Variants in EXD1 observed in about 807,000 individuals in gnomAD.
EXD1 encodes the protein exonuclease 3'-5' domain containing 1.
A neutral mutation model predicts 49.1 loss-of-function variants in EXD1; 63 were observed. That is an observed-to-expected ratio of 1.28 (90% CI 1.05 to 1.58). The LOEUF (loss-of-function observed/expected upper bound fraction) is 1.58. EXD1 is among the 40% of genes most tolerant of loss of function. EXD1 has a pLI of 0.00. For missense variants in EXD1, 748 were observed against 666.0 expected (o/e 1.12, Z -1.36); for synonymous variants, 234 against 239.2 (o/e 0.98, Z 0.20).
intron 6 of EXD1, among the ~76,000 whole-genome samples, chr15:41,212,179 G>T (rs1274170213): frequency 6.6e-6 from 1 of 152,190 alleles, no homozygotes; most frequent in Non-Finnish European, 1.5e-5. Context: ...GCTGGGCACA[G>T]TGGCTCACGC....
chr15:41,204,876 T>C (rs2046798720), intron 7 of EXD1, among the ~76,000 whole-genome samples: 1 of 152,156 alleles, frequency 6.6e-6, no homozygotes, highest in South Asian at 2.1e-4. Context: ...CAGTAGGTCA[T>C]AGATCCCCAT....
At chr15:41,204,362 C>G (rs1029946266) in intron 7 of EXD1, among the ~76,000 whole-genome samples, 1 of 151,302 alleles carries the variant, frequency 6.6e-6, no homozygotes, top group African/African-American at 2.4e-5. Context: ...ACCAGCCTGG[C>G]CAACATGGTG....
At chr15:41,216,064 G>A (rs1377631124) in intron 5 of EXD1, among the ~76,000 whole-genome samples, 1 of 151,962 alleles carries the variant, frequency 6.6e-6, no homozygotes, top group African/African-American at 2.4e-5. Flanking sequence ...TCTGTTTGCT[G>A]CTCAGTAAGG....
intron 9 of EXD1, among the ~76,000 whole-genome samples, chr15:41,193,386 C>T (rs1403228804): frequency 1.3e-5 from 2 of 152,090 alleles, no homozygotes; most frequent in Non-Finnish European, 2.9e-5. Flanking sequence ...CCAGCAGGAT[C>T]TCCTGAGCTC....
rs1321435730 is a variant in EXD1 at position 41,195,790 on chromosome 15, A to T, written c.705T>A (p.Asn235Lys). The T allele has an allele frequency of 6.2e-7, 1 of 1,613,350 alleles. No homozygotes were observed. The highest frequency in any genetic ancestry group is 8.5e-7 in the Non-Finnish European group (1 of 1,179,806). ...CTTCATGTACCTGTGTGTCAAAGAC[A>T]TTATTCAGCAAAATTCCATACTGAT... is the stretch of plus-strand genomic sequence containing the variant. ...LSHQYGILLN[N>K]VFDTQVADVL... Residue 235 changes from asparagine to lysine, a missense_variant, in exon 9 of 12, where the codon AAT becomes AAA. Transcript: ENST00000458580.
chr15:41,184,118 A>G lies in EXD1; in HGVS notation c.1532T>C (p.Val511Ala). Reference protein sequence around the residue: ...LKEETEQLLMVENKEDLKCTK... With the variant: ...LKEETEQLLMAENKEDLKCTK... ...GCATTTTAAATCTTCCTTGTTTTCC[A>G]CCATCAATAACTGTTCTGTCTCCTC... is the stretch of plus-strand genomic sequence containing the variant. Residue 511 changes from valine (V) to alanine (A), a missense_variant, in exon 12 of 12, where the codon GTG becomes GCG. Val to Ala is a moderately conservative substitution (Grantham distance 64). Coordinates refer to ENST00000458580, the MANE Select transcript of EXD1 (RefSeq NM_001286441.2). 3 of 1,614,116 alleles carry G rather than the reference A, an allele frequency of 1.9e-6. No homozygotes were observed. Among genetic ancestry groups the G allele is most frequent in the Non-Finnish European group, 2.5e-6 (3 of 1,179,946 alleles).
chr15:41,185,480 G>C (rs1354187175), intron 11 of EXD1, among the ~76,000 whole-genome samples: 1 of 151,946 alleles, frequency 6.6e-6, no homozygotes, highest in Non-Finnish European at 1.5e-5. Context: ...TGGGTAGCTG[G>C]AAGCACAGGT....
chr15:41,209,541 C>T lies in EXD1; in HGVS notation c.494G>A (p.Gly165Glu). The stretch of plus-strand genomic sequence containing the variant: ...TTTGCCATGGCGACATACATTCGCT[C>T]CTTCTGCTGCCACACTCAGGACATT... Reference protein sequence around the residue: ...KQNVLSVAAEGANVCRHGKLC... With the variant: ...KQNVLSVAAEEANVCRHGKLC... Residue 165 changes from glycine to glutamate, a missense_variant, in exon 7 of 12, where the codon GGA (glycine) becomes GAA (glutamate). By Grantham distance (98) the Gly-to-Glu change is moderately conservative. Coordinates refer to ENST00000458580, the MANE Select transcript of EXD1 (RefSeq NM_001286441.2). The T allele has an allele frequency of 6.2e-7, 1 of 1,614,192 alleles. No homozygotes were observed. The highest frequency in any genetic ancestry group is 1.1e-5 in the South Asian group (1 of 91,080).
chr15:41,208,547 G>T (rs1380266290), intron 7 of EXD1, among the ~76,000 whole-genome samples: 3 of 151,884 alleles, frequency 2.0e-5, no homozygotes, highest in Non-Finnish European at 4.4e-5. Context: ...GAGATCAGGA[G>T]TTTGTGACCA....
At chr15:41,190,293 T>A (rs1362610473) in intron 10 of EXD1, 165 bp from the exon 11 acceptor site, 1 of 646,404 alleles carries the variant, frequency 1.5e-6, no homozygotes, top group East Asian at 3.0e-5. Flanking sequence ...GCCAACAAGG[T>A]GAAACCCCAT....
chr15:41,203,944 A>AAAC (rs2046776904), intron 7 of EXD1, among the ~76,000 whole-genome samples: 3 of 139,846 alleles, frequency 2.1e-5, no homozygotes, highest in African/African-American at 8.1e-5. Flanking sequence ...AAAAAAAAAA[A>AAAC]CCCTAAAAAT....
chr15:41,186,470 CAAAA>C (rs58793050), intron 11 of EXD1, among the ~76,000 whole-genome samples: 12 of 68,286 alleles, frequency 1.8e-4, no homozygotes, highest in Non-Finnish European at 3.3e-4. Context: ...GACTCTGTCT[CAAAA>C]AAAAAAAAAA....
chr15:41,206,750 T>G (rs912385204), intron 7 of EXD1, among the ~76,000 whole-genome samples: 3 of 148,448 alleles, frequency 2.0e-5, no homozygotes, highest in African/African-American at 7.4e-5. Flanking sequence ...GCACCATTAG[T>G]AGCTAGGATT....
chr15:41,199,786 TATA>T lies in EXD1; in HGVS notation c.535-3752_535-3750del, dbSNP rs1367968559. On this transcript the variant is annotated intron_variant, in intron 7 of 11. Coordinates refer to ENST00000458580, the MANE Select transcript of EXD1 (RefSeq NM_001286441.2). ...TATATGATATATATGTCATATATTATATAATGTCATATATATTATATATGTCAT... is the reference window on the plus strand; with the variant it reads ...TATATGATATATATGTCATATATTATATGTCATATATATTATATATGTCAT... Among the ~76,000 whole-genome samples the T allele has an allele frequency of 6.7e-4, 26 of 38,934 alleles. No homozygotes were observed. The East Asian group carries it at 0.032, about 48-fold the overall frequency. The allele number at this position is 38,934 out of a possible 152,430, so 25.5% of individuals were successfully genotyped here.
chr15:41,191,951 CT>C (rs147983758), intron 9 of EXD1: 3,555 of 163,614 alleles, frequency 0.022, no homozygotes, highest in South Asian at 0.059. Context: ...TAATTTTCAA[CT>C]TTTTTTTTTT....
intron 9 of EXD1, among the ~76,000 whole-genome samples, chr15:41,192,954 G>A (rs1264670742): frequency 5.3e-5 from 8 of 151,662 alleles, no homozygotes; most frequent in African/African-American, 1.2e-4. Context: ...CCGCCACCAC[G>A]CCCAGCTAAT....
intron 2 of EXD1, among the ~76,000 whole-genome samples, chr15:41,221,031 C>T (rs1003652482): frequency 3.9e-5 from 6 of 152,108 alleles, no homozygotes; most frequent in East Asian, 1.9e-4. Flanking sequence ...TCTTTAGTTA[C>T]AGGACATCAT....
At chr15:41,225,969 C>T (rs1395040615) in intron 2 of EXD1, among the ~76,000 whole-genome samples, 2 of 152,044 alleles carry the variant, frequency 1.3e-5, no homozygotes, top group Non-Finnish European at 1.5e-5. Flanking sequence ...AGGGACACAC[C>T]AGGCTCGGCA....
At chr15:41,202,117 A>T (rs1320084920) in intron 7 of EXD1, among the ~76,000 whole-genome samples, 1 of 151,732 alleles carries the variant, frequency 6.6e-6, no homozygotes, top group Non-Finnish European at 1.5e-5. Flanking sequence ...CAATTGCCAG[A>T]CCTACCTAGC....
Sources: gnomAD v4.1 joint callset for allele counts (sites outside exome capture counted in the v4.1 genomes callset) on GRCh38, gnomAD v4.1.1 for gene constraint, MANE v1.5 for transcripts, NCBI Gene and HGNC (gene_info 2026-07-23, HGNC 2026-07-21) for gene names.